The following ZNF280C variants were observed in gnomAD, a reference collection of about 807,000 sequenced individuals.
ZNF280C encodes suppressor of hairy wing homolog 3.
A neutral mutation model predicts 53.6 loss-of-function variants in ZNF280C; 14 were observed. The observed-to-expected ratio is 0.26, with a 90% CI of 0.17 to 0.41. ZNF280C has a LOEUF of 0.41. Ranked by LOEUF, ZNF280C falls within the 10% of genes least tolerant of loss-of-function variation. The probability of loss-of-function intolerance (pLI) is 1.00; values close to 1 mark genes in which losing one functional copy is unlikely to be tolerated. For missense variants in ZNF280C, 416 were observed against 547.1 expected (o/e 0.76, Z 2.39); for synonymous variants, 203 against 181.1 (o/e 1.12, Z -0.97).
At chrX:130,216,178 A>G (rs2032102182) in intron 13 of ZNF280C, 77 bp from the exon 14 acceptor site, 1 of 927,854 alleles carries the variant, frequency 1.1e-6, no homozygotes, top group Non-Finnish European at 1.5e-6. Context: ...TGTAAGCCGT[A>G]AATATCACAT....
rs758356656 is a variant in ZNF280C at position 130,236,273 on chromosome X, C to T, written c.712G>A (p.Ala238Thr). 5 of 1,207,849 alleles carry T rather than the reference C, an allele frequency of 4.1e-6. No homozygotes were observed. Among genetic ancestry groups the T allele is most frequent in the Non-Finnish European group, 5.6e-6 (5 of 893,556 alleles). Residue 238 changes from alanine (A) to threonine (T), a missense_variant, in exon 8 of 19, where the codon GCT (alanine) becomes ACT (threonine). Ala to Thr is a moderately conservative substitution (Grantham distance 58). Coordinates refer to ENST00000370978, the MANE Select transcript of ZNF280C (RefSeq NM_017666.5). ...AACTGAACATTGCACTTTGGACAAGCTCTTAGGTAATCTGCTCCAGCATCA... is the reference window on the plus strand; with the variant it reads ...AACTGAACATTGCACTTTGGACAAGTTCTTAGGTAATCTGCTCCAGCATCA... The part of the protein sequence containing the change: ...PYDAGADYLR[A>T]CPKCNVQFNL...
At chrX:130,268,197 A>T (rs911739729) in intron 1 of ZNF280C, among the ~76,000 whole-genome samples, 1 of 111,537 alleles carries the variant, frequency 9.0e-6, no homozygotes, top group African/African-American at 3.3e-5. Flanking sequence ...GATTTCTGTG[A>T]CAGAGAAGGG....
At position 130,268,875 on chromosome X, in the gene ZNF280C, C is replaced by A. The variant is rs752002203; in HGVS notation, c.-130G>T. The stretch of plus-strand genomic sequence containing the variant: ...GCGACAGCCTCAGCAACAGCGACTC[C>A]CCCGGAGACTTCCAGCGCGGAACCG... On this transcript the variant is annotated 5_prime_UTR_variant, in exon 1 of 19. Transcript: ENST00000370978. 4 of 112,609 alleles carry A rather than the reference C, an allele frequency of 3.6e-5. No homozygotes were observed. The highest frequency in any genetic ancestry group is 5.6e-5 in the Non-Finnish European group (3 of 53,279). 9.3% of individuals were successfully genotyped at this position (112,609 alleles called of 1,213,427 possible).
chrX:130,257,952 T>C (rs1377720056), intron 2 of ZNF280C, among the ~76,000 whole-genome samples: 5 of 109,899 alleles, frequency 4.5e-5, no homozygotes, highest in Non-Finnish European at 9.5e-5. Context: ...CTACTAAAAT[T>C]ACAAAAATTA....
At chrX:130,230,015 G>C (rs1698543534) in intron 9 of ZNF280C, among the ~76,000 whole-genome samples, 1 of 111,927 alleles carries the variant, frequency 8.9e-6, no homozygotes, top group South Asian at 3.7e-4. Flanking sequence ...AGCAATCATT[G>C]TGAAGGTTTG....
At chrX:130,231,378 C>T (rs1476471172) in intron 8 of ZNF280C, among the ~76,000 whole-genome samples, 1 of 111,978 alleles carries the variant, frequency 8.9e-6, no homozygotes, top group Non-Finnish European at 1.9e-5. Context: ...ACTACACAGC[C>T]ATAAAAAAGA....
chrX:130,255,862 C>G (rs957617112), intron 2 of ZNF280C, among the ~76,000 whole-genome samples: 1 of 111,615 alleles, frequency 9.0e-6, no homozygotes, highest in Non-Finnish European at 1.9e-5. Flanking sequence ...GGCAGAGGCA[C>G]AAGAATCGCC....
rs776042658 is a variant in ZNF280C, at chrX:130,227,959, C to T, written c.1148-177G>A. 1.2e-3 allele frequency among the ~76,000 whole-genome samples: 132 copies of T among 111,947 alleles called. 1 individual carries two copies. Among genetic ancestry groups the T allele is most frequent in the African/African-American group, 4.2e-3 (130 of 30,844 alleles). On this transcript the variant is annotated intron_variant, in intron 10 of 18. Transcript: ENST00000370978. ...AGGATATATTAGCTTATTTAATTCT[C>T]GTAACATCACTGAGGAAGGTACTGT...
At chrX:130,257,661 T>C (rs1318063739) in intron 2 of ZNF280C, among the ~76,000 whole-genome samples, 1 of 111,930 alleles carries the variant, frequency 8.9e-6, no homozygotes, top group African/African-American at 3.2e-5. Flanking sequence ...GGTACCTGCA[T>C]GTGCTCACAC....
intron 1 of ZNF280C, among the ~76,000 whole-genome samples, chrX:130,261,696 C>T (rs953240712): frequency 8.9e-6 from 1 of 112,113 alleles, no homozygotes; most frequent in African/African-American, 3.2e-5. Flanking sequence ...ACATATGCCA[C>T]GCAGATAAAT....
intron 2 of ZNF280C, among the ~76,000 whole-genome samples, chrX:130,249,140 A>G (rs2032480233): frequency 9.0e-6 from 1 of 110,917 alleles, no homozygotes; most frequent in Admixed American, 9.6e-5. Context: ...CAACATGTAC[A>G]AAGAGTGCAT....
intron 2 of ZNF280C, among the ~76,000 whole-genome samples, chrX:130,257,905 T>C (rs1389931168): frequency 8.9e-6 from 1 of 112,348 alleles, no homozygotes; most frequent in African/African-American, 3.2e-5. Flanking sequence ...GGCCAGGAGT[T>C]CGAGACCAGC....
chrX:130,253,899 A>C (rs781034953), intron 2 of ZNF280C, among the ~76,000 whole-genome samples: 2 of 112,464 alleles, frequency 1.8e-5, no homozygotes, highest in Non-Finnish European at 3.7e-5. Flanking sequence ...ACAAGAGCCA[A>C]AATTGACAAA....
intron 15 of ZNF280C, among the ~76,000 whole-genome samples, chrX:130,213,940 A>C (rs2124698009): frequency 8.9e-6 from 1 of 112,044 alleles, no homozygotes; most frequent in Non-Finnish European, 1.9e-5. Context: ...AATCTGCAAG[A>C]AAACAACTTT....
Position 130,227,790 on chromosome X carries a change from T to A in ZNF280C, c.1148-8A>T, listed in dbSNP as rs186057502. On this transcript the variant is annotated splice_region_variant and splice_polypyrimidine_tract_variant and intron_variant, in intron 10 of 18. Transcript: ENST00000370978. ...CACAGATTTTGCAAATAGCTGAAAG[T>A]GGAAAAAAACACATTATACCATTTA... is the stretch of plus-strand genomic sequence containing the variant. The A allele has an allele frequency of 4.1e-5, 44 of 1,067,126 alleles. No homozygotes were observed. In the East Asian group the frequency reaches 1.2e-3, roughly 30 times the overall value. 87.9% of individuals were successfully genotyped at this position (1,067,126 alleles called of 1,213,427 possible).
chrX:130,246,367 T>C (rs772128837), intron 3 of ZNF280C, among the ~76,000 whole-genome samples: 1 of 112,359 alleles, frequency 8.9e-6, no homozygotes, highest in East Asian at 2.8e-4. Context: ...CACCTATGCA[T>C]TTTATAGTCA....
chrX:130,222,331 C>CACACACACACACACACACACACACA (rs60553619), intron 12 of ZNF280C, among the ~76,000 whole-genome samples: 1 of 103,965 alleles, frequency 9.6e-6, no homozygotes, highest in Non-Finnish European at 2.0e-5. Flanking sequence ...CACACACACA[C>CACACACACACACACACACACACACA]CCTTCTCTAC....
At chrX:130,227,290 T>C (rs1180198975) in intron 11 of ZNF280C, among the ~76,000 whole-genome samples, 1 of 112,227 alleles carries the variant, frequency 8.9e-6, no homozygotes, top group Non-Finnish European at 1.9e-5. Context: ...TTCATCTCAA[T>C]TCCTCGTTAC....
At chrX:130,264,205 G>C (rs1361686266) in intron 1 of ZNF280C, among the ~76,000 whole-genome samples, 1 of 110,748 alleles carries the variant, frequency 9.0e-6, no homozygotes. Context: ...ACATTCGACC[G>C]GTCCTGATGA....
Sources: allele counts gnomAD v4.1 joint callset (sites outside exome capture counted in the v4.1 genomes callset), GRCh38; gene constraint gnomAD v4.1.1; transcripts MANE v1.5; gene names NCBI Gene and HGNC (gene_info 2026-07-23, HGNC 2026-07-21).